Variants in SND1 observed in about 807,000 individuals in gnomAD.
The protein encoded by SND1 is staphylococcal nuclease domain-containing protein 1.
SND1 carries 38 observed loss-of-function variants against 121.7 expected under a neutral mutation model. That is an observed-to-expected ratio of 0.31 (90% CI 0.24 to 0.41). SND1 has a LOEUF of 0.41. Among genes scored for constraint, SND1 ranks in the 10% least tolerant of loss-of-function variants. The pLI, the probability that SND1 is intolerant of heterozygous loss-of-function variation, is 1.00. For missense variants in SND1, 868 were observed against 1,184.6 expected (o/e 0.73, Z 3.92); for synonymous variants, 401 against 447.4 (o/e 0.90, Z 1.31).
intron 11 of SND1, among the ~76,000 whole-genome samples, chr7:127,814,422 C>A (rs148656340): frequency 6.6e-6 from 1 of 152,144 alleles, no homozygotes; most frequent in East Asian, 1.9e-4. Flanking sequence ...AGAATAGATT[C>A]TTTTGAGCTT....
chr7:127,664,434 G>A (rs761926564), intron 1 of SND1, among the ~76,000 whole-genome samples: 33 of 152,224 alleles, frequency 2.2e-4, no homozygotes, highest in Non-Finnish European at 3.2e-4. Flanking sequence ...GATGGGGTTT[G>A]GAGAGCTTTG....
chr7:127,870,937 C>G (rs903097112), intron 12 of SND1, among the ~76,000 whole-genome samples: 3 of 152,062 alleles, frequency 2.0e-5, no homozygotes, highest in Non-Finnish European at 2.9e-5. Flanking sequence ...TGCACAGCTA[C>G]AAAAATATTT....
intron 10 of SND1, among the ~76,000 whole-genome samples, chr7:127,765,811 G>A (rs1338354785): frequency 2.6e-5 from 4 of 152,148 alleles, no homozygotes; most frequent in Non-Finnish European, 2.9e-5. Flanking sequence ...TAGGTTTGCA[G>A]CACTCCCACA....
intron 15 of SND1, among the ~76,000 whole-genome samples, chr7:127,959,578 C>T (rs542489340): frequency 2.6e-5 from 4 of 152,294 alleles, no homozygotes; most frequent in Non-Finnish European, 5.9e-5. Context: ...TTCAGTCCTT[C>T]TACTACTTCA....
chr7:127,732,860 G>A (rs1411869746), intron 10 of SND1, among the ~76,000 whole-genome samples: 2 of 152,226 alleles, frequency 1.3e-5, no homozygotes, highest in African/African-American at 4.8e-5. Flanking sequence ...GATGCTGCAT[G>A]CTCATGGTAT....
At chr7:127,757,912 G>A (rs1797226064) in intron 10 of SND1, among the ~76,000 whole-genome samples, 1 of 152,188 alleles carries the variant, frequency 6.6e-6, no homozygotes, top group Admixed American at 6.5e-5. Context: ...TGTTTGAGAA[G>A]ACATTCATTT....
chr7:127,816,997 G>A lies in SND1; in HGVS notation c.1242+9424G>A, dbSNP rs113037958. Among the ~76,000 whole-genome samples, 942 of 152,098 alleles carry A rather than the reference G, an allele frequency of 6.2e-3. 10 individuals are homozygous for A. The highest frequency in any genetic ancestry group is 0.021 in the African/African-American group (890 of 41,480). On this transcript the variant is annotated intron_variant, in intron 11 of 23. Transcript: ENST00000354725. ...GTTATTCATTCAGCAGATATTTTTT[G>A]GACAGCTACTCTGTGCCAAGGCATT...
intron 15 of SND1, among the ~76,000 whole-genome samples, chr7:127,953,151 CGTGT>C (rs59825900): frequency 0.012 from 1,123 of 92,118 alleles, 5 homozygotes; most frequent in East Asian, 0.027. Context: ...GTGACAAGAC[CGTGT>C]GTGTGTGTGT....
chr7:127,669,621 ACT>A (rs758808645), intron 1 of SND1, among the ~76,000 whole-genome samples: 7 of 152,064 alleles, frequency 4.6e-5, no homozygotes, highest in Non-Finnish European at 7.4e-5. Flanking sequence ...CCTAGGCAAG[ACT>A]CTCAGTAGAT....
At chr7:128,089,296 C>T (rs1271628681) in intron 21 of SND1, among the ~76,000 whole-genome samples, 193 bp from the exon 22 acceptor site, 2 of 152,152 alleles carry the variant, frequency 1.3e-5, no homozygotes, top group Non-Finnish European at 2.9e-5. Flanking sequence ...TCAAGGGGTC[C>T]ACCCACCTCA....
intron 17 of SND1, among the ~76,000 whole-genome samples, chr7:128,077,513 G>A (rs563154368): frequency 2.0e-4 from 30 of 152,334 alleles, no homozygotes; most frequent in Admixed American, 3.9e-4. Flanking sequence ...AGATGAACAG[G>A]CAGGAGGGGC....
At chr7:127,929,664 T>C (rs2116819490) in intron 15 of SND1, among the ~76,000 whole-genome samples, 1 of 152,312 alleles carries the variant, frequency 6.6e-6, no homozygotes, top group African/African-American at 2.4e-5. Context: ...CATTACCCAC[T>C]TGAAACAGAC....
rs540896470 is a variant in SND1, at chr7:127,752,963, A to G, written c.1152+31563A>G. On this transcript the variant is annotated intron_variant, in intron 10 of 23. Transcript: ENST00000354725. Reference sequence around the variant, plus strand: ...GCCTCCTTGTCTTCCATCGTTGTCTAAGGAATATCTGCTTGAAGACAGCTG... The same window carrying G: ...GCCTCCTTGTCTTCCATCGTTGTCTGAGGAATATCTGCTTGAAGACAGCTG... Among the ~76,000 whole-genome samples the G allele has an allele frequency of 2.6e-5, 4 of 152,272 alleles. No homozygotes were observed. The South Asian group carries it at 8.3e-4, about 32-fold the overall frequency.
At position 127,887,963 on chromosome 7, in the gene SND1, G is replaced by A; in HGVS notation, c.1405G>A (p.Asp469Asn). The change falls in exon 13 of 24, where the codon GAT (aspartate) becomes AAT (asparagine). Residue 469 changes from aspartate (D) to asparagine (N), a missense_variant. By Grantham distance (23) the Asp-to-Asn change is conservative. Coordinates refer to ENST00000354725, the MANE Select transcript of SND1 (RefSeq NM_014390.4). Reference sequence around the variant, plus strand: ...CACAGTGATCAGATACCGGCAGGATGATGACCAGAGATCATCACACTACGA... The same window carrying A: ...CACAGTGATCAGATACCGGCAGGATAATGACCAGAGATCATCACACTACGA... Reference protein sequence around the residue: ...LATVIRYRQDDDQRSSHYDEL... With the variant: ...LATVIRYRQDNDQRSSHYDEL... The A allele has an allele frequency of 6.2e-7, 1 of 1,612,344 alleles. No homozygotes were observed. Among genetic ancestry groups the A allele is most frequent in the Non-Finnish European group, 8.5e-7 (1 of 1,178,952 alleles).
Position 127,922,175 on chromosome 7 carries a change from CTTTTTTTTTTTTT to C in SND1, c.1528-6997_1528-6985del, listed in dbSNP as rs1158535023. 4.5e-4 allele frequency among the ~76,000 whole-genome samples: 26 copies of C among 57,194 alleles called. No homozygotes were observed. The Middle Eastern group carries it at 0.048, about 106-fold the overall frequency. 37.5% of individuals were successfully genotyped at this position (57,194 alleles called of 152,430 possible). A position where few individuals can be genotyped will look rare whatever the true frequency, so the allele number is the denominator to read the frequency against. On this transcript the variant is annotated intron_variant, in intron 14 of 23. Transcript: ENST00000354725. The stretch of plus-strand genomic sequence containing the variant: ...CCAGCTGATTTTCTTTTTTTCTTTC[CTTTTTTTTTTTTT>C]TTTTTTTTTTTTTTTGTTTTGTGAG...
rs563034181 is a variant in SND1, at chr7:128,064,514, G to T, written c.1780-9988G>T. On this transcript the variant is annotated intron_variant, in intron 16 of 23. Coordinates refer to ENST00000354725, the MANE Select transcript of SND1 (RefSeq NM_014390.4). ...CCTGTGGAGCCCAGGGGTGATTCCT[G>T]TGCTACTCATGCTGCGGCCTGGGAT... 5.8e-4 allele frequency among the ~76,000 whole-genome samples: 89 copies of T among 152,338 alleles called. 1 individual carries two copies. Among genetic ancestry groups the T allele is most frequent in the East Asian group, 2.9e-3 (15 of 5,188 alleles).
intron 10 of SND1, among the ~76,000 whole-genome samples, chr7:127,749,042 CG>C (rs1280867657): frequency 1.9e-4 from 22 of 114,568 alleles, no homozygotes; most frequent in Admixed American, 3.8e-4. Context: ...TTTTTTCTTT[CG>C]TTTTTTTTTT....
At chr7:127,929,164 C>T (rs758104309) in intron 14 of SND1, 24 bp from the exon 15 acceptor site, 9 of 1,612,314 alleles carry the variant, frequency 5.6e-6, no homozygotes. Context: ...TTTCCAGTTA[C>T]TCTTTTCCTC....
chr7:127,868,104 A>G (rs1799512871), intron 12 of SND1, among the ~76,000 whole-genome samples: 1 of 152,128 alleles, frequency 6.6e-6, no homozygotes, highest in Non-Finnish European at 1.5e-5. Flanking sequence ...AATAAGACTC[A>G]TAGTAGGTCA....
Sources: allele counts gnomAD v4.1 joint callset (sites outside exome capture counted in the v4.1 genomes callset), GRCh38; gene constraint gnomAD v4.1.1; transcripts MANE v1.5; gene names NCBI Gene and HGNC (gene_info 2026-07-23, HGNC 2026-07-21).